IPO7: variants seen among roughly 807,000 people sequenced by gnomAD.
IPO7 encodes importin-7.
A neutral mutation model predicts 136.4 loss-of-function variants in IPO7; 13 were observed. The ratio of observed to expected loss-of-function variants is 0.10; its 90% CI spans 0.06 to 0.15. IPO7 has a LOEUF of 0.15. Ranked by LOEUF, IPO7 falls within the 10% of genes least tolerant of loss-of-function variation. The pLI, the probability that IPO7 is intolerant of heterozygous loss-of-function variation, is 1.00. For missense variants in IPO7, 857 were observed against 1,240.6 expected, an observed-to-expected ratio of 0.69 and a Z score of 4.65; for synonymous variants, 403 against 404.4, an observed-to-expected ratio of 1.00 and a Z score of 0.04.
chr11:9,429,534 A>G (rs1274857935), intron 14 of IPO7, 140 bp from the exon 15 acceptor site: 3 of 507,598 alleles, frequency 5.9e-6, no homozygotes, highest in Non-Finnish European at 1.0e-5. Context: ...TATTAATTGT[A>G]AAAAGCCATA....
intron 12 of IPO7, among the ~76,000 whole-genome samples, chr11:9,425,932 G>C (rs1319062220): frequency 1.3e-5 from 2 of 151,542 alleles, no homozygotes; most frequent in East Asian, 3.9e-4. Context: ...TGTAATCCCA[G>C]CTACTTAGGA....
In IPO7 at chr11:9,410,009, C is replaced by T. The variant is rs1381130803; in HGVS notation, c.402C>T (p.Gly134=). The change falls in exon 4 of 25, where the codon GGC becomes GGT. Residue 134 remains glycine (G), a synonymous_variant. Coordinates refer to ENST00000379719, the MANE Select transcript of IPO7 (RefSeq NM_006391.3). ...GGACTGCCATTGTGGACAAAATTGG[C>T]TTTTATCTTCAGTCCGATAACAGTG... ...SRWTAIVDKI[G]FYLQSDNSAC... The T allele has an allele frequency of 1.2e-6, 2 of 1,607,186 alleles. No homozygotes were observed. Among genetic ancestry groups the T allele is most frequent in the Non-Finnish European group, 1.7e-6 (2 of 1,177,300 alleles).
At chr11:9,429,488 A>G (rs968482663) in intron 14 of IPO7, among the ~76,000 whole-genome samples, 186 bp from the exon 15 acceptor site, 4 of 152,084 alleles carry the variant, frequency 2.6e-5, no homozygotes, top group African/African-American at 9.7e-5. Context: ...TGGGCAACAG[A>G]TCAAAACCCT....
At chr11:9,404,459 C>T (rs538457073) in intron 2 of IPO7, among the ~76,000 whole-genome samples, 2 of 151,472 alleles carry the variant, frequency 1.3e-5, no homozygotes, top group African/African-American at 2.4e-5. Context: ...AGTGAGAGAC[C>T]ATCTCAAAAA....
In IPO7 at chr11:9,446,489, A is replaced by G. The variant is rs1156452262; in HGVS notation, c.*1295A>G. ...TACAAAAACAAGCCAGCAAAAAGATACTGTAGAGAGGTTGGCTTGCTTCCC... is the reference window on the plus strand; with the variant it reads ...TACAAAAACAAGCCAGCAAAAAGATGCTGTAGAGAGGTTGGCTTGCTTCCC... On this transcript the variant is annotated 3_prime_UTR_variant, in exon 25 of 25. Coordinates refer to ENST00000379719, the MANE Select transcript of IPO7 (RefSeq NM_006391.3). 1 of 152,238 alleles carries G rather than the reference A, an allele frequency of 6.6e-6. No individual in the cohort carries two copies. The highest frequency in any genetic ancestry group is 2.1e-4 in the South Asian group (1 of 4,834). 9.4% of individuals were successfully genotyped at this position (152,238 alleles called of 1,614,324 possible).
chr11:9,417,905 G>A (rs1398866996), intron 6 of IPO7, among the ~76,000 whole-genome samples: 3 of 151,800 alleles, frequency 2.0e-5, no homozygotes. Flanking sequence ...TAGAGATGGA[G>A]TTTCACCATG....
At chr11:9,387,839 T>C (rs1224998584) in intron 1 of IPO7, among the ~76,000 whole-genome samples, 2 of 135,064 alleles carry the variant, frequency 1.5e-5, no homozygotes, top group African/African-American at 2.8e-5. Flanking sequence ...TCAAAAAAAT[T>C]AATTAATTAA....
At chr11:9,435,951 C>T (rs959079258) in intron 19 of IPO7, among the ~76,000 whole-genome samples, 3 of 152,166 alleles carry the variant, frequency 2.0e-5, no homozygotes, top group African/African-American at 7.2e-5. Context: ...GTTTTAGCTA[C>T]CACCTGTGTA....
rs777452462 is a variant in IPO7 at position 9,392,271 on chromosome 11, G to A, written c.84+7424G>A. On this transcript the variant is annotated intron_variant, in intron 1 of 24. Coordinates refer to ENST00000379719, the MANE Select transcript of IPO7 (RefSeq NM_006391.3). The stretch of plus-strand genomic sequence containing the variant: ...CGGCTCGCCACAACCTCCGCCTCCC[G>A]GATTCGGGCAATTCTCCTGCCTCAG... 8.3e-5 allele frequency: 26 copies of A among 312,868 alleles called. 1 individual carries two copies. Among genetic ancestry groups the A allele is most frequent in the South Asian group, 4.5e-4 (19 of 42,234 alleles). The allele number at this position is 312,868 out of a possible 1,614,324, so 19.4% of individuals were successfully genotyped here. A position where few individuals can be genotyped will look rare whatever the true frequency, so the allele number is the denominator to read the frequency against.
intron 5 of IPO7, 47 bp downstream of exon 5, chr11:9,414,458 T>A: frequency 8.2e-7 from 1 of 1,221,898 alleles, no homozygotes. Flanking sequence ...TAGTCTGTCA[T>A]TTACCGTGTT....
In IPO7 at chr11:9,430,861, T is replaced by G; in HGVS notation, c.1753-14T>G. The G allele has an allele frequency of 6.2e-7, 1 of 1,609,466 alleles. No homozygotes were observed. Among genetic ancestry groups the G allele is most frequent in the Non-Finnish European group, 8.5e-7 (1 of 1,178,026 alleles). ...CTTCAGTGACAAACTTGAGTTATAT[T>G]CTCTTGAATCTAGGCAATGACATTT... On this transcript the variant is annotated splice_polypyrimidine_tract_variant and intron_variant, in intron 15 of 24. Coordinates refer to ENST00000379719, the MANE Select transcript of IPO7 (RefSeq NM_006391.3).
intron 3 of IPO7, 66 bp downstream of exon 3, chr11:9,408,705 T>TG: frequency 7.5e-6 from 1 of 133,714 alleles, no homozygotes; most frequent in Non-Finnish European, 1.2e-5. Flanking sequence ...TGTTTTTTGG[T>TG]TTTTTTTTTT....
chr11:9,409,255 T>C (rs1184644936), intron 3 of IPO7, among the ~76,000 whole-genome samples: 1 of 151,872 alleles, frequency 6.6e-6, no homozygotes, highest in Non-Finnish European at 1.5e-5. Flanking sequence ...ATTACAGGCG[T>C]GCACCAGCAT....
chr11:9,440,370 A>T, intron 22 of IPO7, 85 bp from the exon 23 acceptor site: 1 of 1,055,838 alleles, frequency 9.5e-7, no homozygotes, highest in Non-Finnish European at 1.5e-6. Flanking sequence ...CTTGTAATTT[A>T]CTGACAGTGA....
At chr11:9,398,421 TCAGGCAGA>T (rs527928843) in intron 1 of IPO7, among the ~76,000 whole-genome samples, 1 of 152,326 alleles carries the variant, frequency 6.6e-6, no homozygotes, top group East Asian at 1.9e-4. Context: ...GCTTGAGTGA[TCAGGCAGA>T]AAAGGCTTCT....
Position 9,436,330 on chromosome 11 carries a change from C to G in IPO7, c.2232C>G (p.Val744=). Residue 744 remains valine (V), a synonymous_variant, in exon 20 of 25, where the codon GTC becomes GTG. Coordinates refer to ENST00000379719, the MANE Select transcript of IPO7 (RefSeq NM_006391.3). ...GTCATGCAGCAAAATTGTTAGAGGT[C>G]ATCATTCTGCAGTGCAAAGGGCGTG... is the stretch of plus-strand genomic sequence containing the variant. ...AECHAAKLLE[V]IILQCKGRGI... 6.2e-7 allele frequency: 1 copy of G among 1,613,800 alleles called. No homozygotes were observed. The highest frequency in any genetic ancestry group is 1.3e-5 in the African/African-American group (1 of 75,030).
In IPO7 at chr11:9,436,303, G is replaced by A. The variant is rs1289735906; in HGVS notation, c.2205G>A (p.Glu735=). The A allele has an allele frequency of 6.2e-7, 1 of 1,613,940 alleles. No individual in the cohort carries two copies. The highest frequency in any genetic ancestry group is 1.7e-5 in the Admixed American group (1 of 60,004). ...VLTGVAGEDA[E]CHAAKLLEVI... is the part of the protein sequence containing the mutation. Reference sequence around the variant, plus strand: ...CAGGAGTTGCAGGAGAAGATGCAGAGTGTCATGCAGCAAAATTGTTAGAGG... The same window carrying A: ...CAGGAGTTGCAGGAGAAGATGCAGAATGTCATGCAGCAAAATTGTTAGAGG... Residue 735 remains glutamate, a synonymous_variant, in exon 20 of 25, where the codon GAG becomes GAA. Coordinates refer to ENST00000379719, the MANE Select transcript of IPO7 (RefSeq NM_006391.3).
At chr11:9,430,679 A>G (rs1339463893) in intron 15 of IPO7, 196 bp from the exon 16 acceptor site, 9 of 527,678 alleles carry the variant, frequency 1.7e-5, no homozygotes, top group Non-Finnish European at 3.0e-5. Context: ...AGAGAAGTCA[A>G]GTAGCTTGTT....
At position 9,408,624 on chromosome 11, in the gene IPO7, C is replaced by G. The variant is rs1167056611; in HGVS notation, c.305C>G (p.Ser102Cys). 6.3e-7 allele frequency: 1 copy of G among 1,595,204 alleles called. No individual in the cohort carries two copies. The highest frequency in any genetic ancestry group is 8.5e-7 in the Non-Finnish European group (1 of 1,172,706). ...AATATTGTAGAAGCCATTATCCATT[C>G]TCCTGAGCTCATCAGGTATGTATTT... ...RENIVEAIIH[S>C]PELIRVQLTT... is the part of the protein sequence containing the mutation. The change falls in exon 3 of 25, where the codon TCT becomes TGT. Residue 102 changes from serine to cysteine, a missense_variant. Ser to Cys is a moderately radical substitution (Grantham distance 112). Coordinates refer to ENST00000379719, the MANE Select transcript of IPO7 (RefSeq NM_006391.3).
Sources: allele counts gnomAD v4.1 joint callset (sites outside exome capture counted in the v4.1 genomes callset), GRCh38; gene constraint gnomAD v4.1.1; transcripts MANE v1.5; gene names NCBI Gene and HGNC (gene_info 2026-07-23, HGNC 2026-07-21).